The following RAPGEF5 variants were observed in gnomAD, a reference collection of about 807,000 sequenced individuals.
RAPGEF5 encodes Rap guanine nucleotide exchange factor 5.
RAPGEF5 carries 65 observed loss-of-function variants against 125.2 expected under a neutral mutation model. That is an observed-to-expected ratio of 0.52 (90% CI 0.43 to 0.64). The LOEUF (loss-of-function observed/expected upper bound fraction) is 0.64, where lower values mean the gene tolerates loss of function less well. Among genes scored for constraint, RAPGEF5 ranks in the 30% least tolerant of loss-of-function variants. The pLI is 0.00. For synonymous variants in RAPGEF5, 391 were observed against 385.9 expected, an observed-to-expected ratio of 1.01 and a Z score of -0.16; for missense variants, 958 against 1,048.1, an observed-to-expected ratio of 0.91 and a Z score of 1.19.
At chr7:22,337,593 C>G (rs1467030504) in intron 1 of RAPGEF5, among the ~76,000 whole-genome samples, 1 of 152,196 alleles carries the variant, frequency 6.6e-6, no homozygotes, top group African/African-American at 2.4e-5. Context: ...AAACTATCAA[C>G]TAAATTTCTC....
At chr7:22,169,379 A>T (rs1562735675) in intron 11 of RAPGEF5, among the ~76,000 whole-genome samples, 1 of 152,252 alleles carries the variant, frequency 6.6e-6, no homozygotes, top group Non-Finnish European at 1.5e-5. Context: ...TACAGTTTTT[A>T]AAAATAGTTT....
intron 11 of RAPGEF5, among the ~76,000 whole-genome samples, chr7:22,187,920 G>T (rs1784872005): frequency 6.6e-6 from 1 of 152,198 alleles, no homozygotes; most frequent in African/African-American, 2.4e-5. Context: ...AGACCTTAAG[G>T]CCTAGGCCCC....
intron 11 of RAPGEF5, among the ~76,000 whole-genome samples, chr7:22,169,763 G>T (rs936252226): frequency 6.2e-5 from 9 of 145,620 alleles, no homozygotes; most frequent in Admixed American, 3.6e-4. Context: ...AGGAGGCTGA[G>T]GTAGGAGGAT....
At chr7:22,290,542 G>C (rs1384658217) in intron 6 of RAPGEF5, among the ~76,000 whole-genome samples, 3 of 151,932 alleles carry the variant, frequency 2.0e-5, no homozygotes, top group Admixed American at 1.3e-4. Flanking sequence ...TCAGGAGATC[G>C]AGACCATCCC....
Position 22,357,129 on chromosome 7 carries a change from T to A in RAPGEF5, c.-69A>T. 1 of 876,814 alleles carries A rather than the reference T, an allele frequency of 1.1e-6. No individual in the cohort carries two copies. Among genetic ancestry groups the A allele is most frequent in the Non-Finnish European group, 1.4e-6 (1 of 725,746 alleles). 54.3% of individuals were successfully genotyped at this position (876,814 alleles called of 1,614,324 possible). A position where few individuals can be genotyped will look rare whatever the true frequency, so the allele number is the denominator to read the frequency against. On this transcript the variant is annotated 5_prime_UTR_variant, in exon 1 of 26. Coordinates refer to ENST00000665637, the MANE Select transcript of RAPGEF5 (RefSeq NM_012294.5). ...TCGCCTCCGCGCGCCGTCCGCGCCT[T>A]CGCCAGGAAGCGAGAGGGCGCGACT...
intron 7 of RAPGEF5, among the ~76,000 whole-genome samples, chr7:22,259,549 G>A (rs1054197452): frequency 6.6e-6 from 1 of 152,132 alleles, no homozygotes; most frequent in African/African-American, 2.4e-5. Flanking sequence ...ACAAAAATCT[G>A]CATATCCAAA....
In RAPGEF5 at chr7:22,162,544, G is replaced by A; in HGVS notation, c.1284-3C>T. On this transcript the variant is annotated splice_region_variant and splice_polypyrimidine_tract_variant and intron_variant, in intron 12 of 25. Transcript: ENST00000665637. The stretch of plus-strand genomic sequence containing the variant: ...CTTGATACTTCTTAGCAGAATAGGT[G>A]CAAATGGTTAAGAAAAAATTATATT... The A allele has an allele frequency of 6.2e-7, 1 of 1,602,370 alleles. No individual in the cohort carries two copies. Among genetic ancestry groups the A allele is most frequent in the Admixed American group, 1.7e-5 (1 of 58,780 alleles).
At position 22,277,237 on chromosome 7, in the gene RAPGEF5, G is replaced by A. The variant is rs142893073; in HGVS notation, c.748-10225C>T. ...CAGGTTTCAAAATTCACTTTGAAACGTCAGAGGTATCAATCAACTTAAGTA... is the reference window on the plus strand; with the variant it reads ...CAGGTTTCAAAATTCACTTTGAAACATCAGAGGTATCAATCAACTTAAGTA... On this transcript the variant is annotated intron_variant, in intron 6 of 25. Transcript: ENST00000665637. Among the ~76,000 whole-genome samples, 1,132 of 152,276 alleles carry A rather than the reference G, an allele frequency of 7.4e-3. 16 individuals are homozygous for A. Among genetic ancestry groups the A allele is most frequent in the Non-Finnish European group, 7.6e-3 (517 of 68,010 alleles).
At chr7:22,245,905 A>G (rs1429093505) in intron 7 of RAPGEF5, among the ~76,000 whole-genome samples, 1 of 152,204 alleles carries the variant, frequency 6.6e-6, no homozygotes, top group Non-Finnish European at 1.5e-5. Flanking sequence ...ATTGATGTAC[A>G]TAAAACAGTA....
intron 11 of RAPGEF5, among the ~76,000 whole-genome samples, chr7:22,190,264 T>G (rs1784951512): frequency 6.6e-6 from 1 of 152,068 alleles, no homozygotes; most frequent in African/African-American, 2.4e-5. Flanking sequence ...AGACAGACAC[T>G]CCGTCTCAAA....
At chr7:22,161,813 C>T (rs371120824) in intron 13 of RAPGEF5, among the ~76,000 whole-genome samples, 3 of 152,202 alleles carry the variant, frequency 2.0e-5, no homozygotes, top group African/African-American at 7.2e-5. Flanking sequence ...TATTCCTTCT[C>T]TGTCCTAACC....
At chr7:22,333,174 T>C (rs111241764) in intron 1 of RAPGEF5, among the ~76,000 whole-genome samples, 198 of 152,306 alleles carry the variant, frequency 1.3e-3, no homozygotes, top group African/African-American at 4.5e-3. Flanking sequence ...TTTTTAAAAG[T>C]TCCTTTGAGT....
In RAPGEF5 at chr7:22,276,252, C is replaced by T. The variant is rs80094588; in HGVS notation, c.748-9240G>A. 1.1e-3 allele frequency among the ~76,000 whole-genome samples: 170 copies of T among 152,188 alleles called. 2 individuals are homozygous for T. The East Asian group carries it at 0.029, about 26-fold the overall frequency. ...TAGACCCAGCGTATTATTCAATCTA[C>T]AAAAAGCTCATAAATGATTCTCAGG... On this transcript the variant is annotated intron_variant, in intron 6 of 25. Coordinates refer to ENST00000665637, the MANE Select transcript of RAPGEF5 (RefSeq NM_012294.5).
intron 16 of RAPGEF5, among the ~76,000 whole-genome samples, chr7:22,155,321 A>G (rs1181759023): frequency 6.6e-6 from 1 of 152,334 alleles, no homozygotes; most frequent in East Asian, 1.9e-4. Flanking sequence ...GTCCTGAAAA[A>G]TGTTTTCTTT....
At position 22,121,944 on chromosome 7, in the gene RAPGEF5, C is replaced by T. The variant is rs1001720842; in HGVS notation, c.*462G>A. On this transcript the variant is annotated 3_prime_UTR_variant, in exon 26 of 26. Coordinates refer to ENST00000665637, the MANE Select transcript of RAPGEF5 (RefSeq NM_012294.5). ...CTCCCTGGAGATCTAGAGATGCTGT[C>T]TCTGTCATCAGGTGTTCAAAAGAAT... 2 of 158,596 alleles carry T rather than the reference C, an allele frequency of 1.3e-5. No homozygotes were observed. Among genetic ancestry groups the T allele is most frequent in the African/African-American group, 4.8e-5 (2 of 41,646 alleles). The allele number at this position is 158,596 out of a possible 1,614,324, so 9.8% of individuals were successfully genotyped here.
intron 11 of RAPGEF5, among the ~76,000 whole-genome samples, chr7:22,185,787 G>A (rs896403939): frequency 2.0e-5 from 3 of 152,068 alleles, no homozygotes; most frequent in African/African-American, 7.2e-5. Flanking sequence ...CAGGGCAGCT[G>A]GAGTTTGTGC....
chr7:22,261,834 G>A (rs1480350090), intron 7 of RAPGEF5, among the ~76,000 whole-genome samples: 1 of 114,592 alleles, frequency 8.7e-6, no homozygotes, highest in East Asian at 2.6e-4. Flanking sequence ...GTGCTGAGGT[G>A]ACTGAACATT....
chr7:22,254,999 C>T (rs556924170), intron 7 of RAPGEF5, among the ~76,000 whole-genome samples: 24 of 152,140 alleles, frequency 1.6e-4, no homozygotes, highest in Non-Finnish European at 2.6e-4. Context: ...TTGGGGACCC[C>T]GAGTCTAACA....
intron 6 of RAPGEF5, among the ~76,000 whole-genome samples, chr7:22,284,080 T>TGC (rs1782737773): frequency 1.4e-5 from 2 of 144,936 alleles, no homozygotes; most frequent in African/African-American, 2.5e-5. Flanking sequence ...TGTGTGTGTG[T>TGC]GTGTGTGTGC....
Sources: allele counts gnomAD v4.1 joint callset (sites outside exome capture counted in the v4.1 genomes callset), GRCh38; gene constraint gnomAD v4.1.1; transcripts MANE v1.5; gene names NCBI Gene and HGNC (gene_info 2026-07-23, HGNC 2026-07-21).